The following HORMAD2 variants were observed in gnomAD, a reference collection of about 807,000 sequenced individuals.
HORMAD2 encodes HORMA domain containing 2, also known as HORMA domain-containing protein 2.
A neutral mutation model predicts 38.8 loss-of-function variants in HORMAD2; 45 were observed. The ratio of observed to expected loss-of-function variants is 1.16; its 90% confidence interval spans 0.91 to 1.49. The LOEUF is 1.49. HORMAD2 is among the 40% of genes most tolerant of loss of function. The pLI is 0.00. For missense variants in HORMAD2, 338 were observed against 367.0 expected, an observed-to-expected ratio of 0.92 and a Z score of 0.65; for synonymous variants, 126 against 122.8, an observed-to-expected ratio of 1.03 and a Z score of -0.17.
the HORMAD2 span, among the ~76,000 whole-genome samples, chr22:30,191,755 C>G: frequency 6.6e-6 from 1 of 152,188 alleles, no homozygotes; most frequent in Non-Finnish European, 1.5e-5. Flanking sequence ...ATCTGAAAGG[C>G]GAGTAAACAC....
At chr22:30,139,929 C>G (rs555742331) in intron 10 of HORMAD2, among the ~76,000 whole-genome samples, 1 of 151,380 alleles carries the variant, frequency 6.6e-6, no homozygotes, top group South Asian at 2.1e-4. Context: ...AGATAGATCC[C>G]CCTTTATCAT....
At position 30,158,342 on chromosome 22, in the gene HORMAD2, A is replaced by G. The variant is rs537858979; in HGVS notation, c.820-17721A>G. 2.0e-5 allele frequency among the ~76,000 whole-genome samples: 3 copies of G among 152,316 alleles called. No homozygotes were observed. The East Asian group carries it at 5.8e-4, about 29-fold the overall frequency. ...AAGCATAAGGAAGAGAATAAAACAC[A>G]GCCATATCTAAGGATGACAAATATT... On this transcript the variant is annotated intron_variant, in intron 10 of 10. Coordinates refer to ENST00000336726, the MANE Select transcript of HORMAD2 (RefSeq NM_152510.4).
At chr22:30,119,734 G>A (rs988727281) in intron 8 of HORMAD2, among the ~76,000 whole-genome samples, 1 of 152,138 alleles carries the variant, frequency 6.6e-6, no homozygotes, top group African/African-American at 2.4e-5. Context: ...GGATAGTAGA[G>A]GAATCCAAGT....
chr22:30,108,912 C>G (rs374761820), intron 5 of HORMAD2, among the ~76,000 whole-genome samples: 6 of 151,290 alleles, frequency 4.0e-5, no homozygotes, highest in Non-Finnish European at 8.9e-5. Flanking sequence ...TTCTTTCTCT[C>G]GCTCTCTCTT....
At chr22:30,172,749 G>A (rs5763842) in intron 10 of HORMAD2, among the ~76,000 whole-genome samples, 45,179 of 151,916 alleles carry the variant, frequency 0.3, 7,766 homozygotes, top group East Asian at 0.58. Flanking sequence ...TTAGCTGGGC[G>A]TGGTGGCGGG....
chr22:30,134,086 G>A (rs1205786907), intron 10 of HORMAD2, among the ~76,000 whole-genome samples: 1 of 152,110 alleles, frequency 6.6e-6, no homozygotes, highest in African/African-American at 2.4e-5. Context: ...GAAGCTCATT[G>A]TGAAGAAAGT....
intron 10 of HORMAD2, among the ~76,000 whole-genome samples, chr22:30,143,164 C>T (rs1924192737): frequency 6.6e-6 from 1 of 152,042 alleles, no homozygotes; most frequent in African/African-American, 2.4e-5. Context: ...TATTATTTTA[C>T]ACAACTTACT....
intron 1 of HORMAD2, among the ~76,000 whole-genome samples, chr22:30,090,273 G>C (rs1017776298): frequency 6.6e-6 from 1 of 152,184 alleles, no homozygotes; most frequent in African/African-American, 2.4e-5. Flanking sequence ...TGAGGTGGGA[G>C]AATCATTTAA....
chr22:30,114,721 C>A (rs538494856), intron 7 of HORMAD2, among the ~76,000 whole-genome samples: 1 of 152,272 alleles, frequency 6.6e-6, no homozygotes, highest in East Asian at 1.9e-4. Context: ...CATGGTATAA[C>A]AATTGAGAAC....
intron 10 of HORMAD2, among the ~76,000 whole-genome samples, chr22:30,129,058 A>G (rs1019715408): frequency 6.6e-6 from 1 of 151,780 alleles, no homozygotes; most frequent in Non-Finnish European, 1.5e-5. Flanking sequence ...CTCTACTAAA[A>G]ATACAAAAAA....
At position 30,174,658 on chromosome 22, in the gene HORMAD2, C is replaced by T. The variant is rs372870524; in HGVS notation, c.820-1405C>T. On this transcript the variant is annotated intron_variant, in intron 10 of 10. Transcript: ENST00000336726. Reference sequence around the variant, plus strand: ...CTGGTCAGTTGAGAATTCGTACACTCATCTTCTCTTCTTTCATGTGTACCC... The same window carrying T: ...CTGGTCAGTTGAGAATTCGTACACTTATCTTCTCTTCTTTCATGTGTACCC... Among the ~76,000 whole-genome samples the T allele has an allele frequency of 2.6e-5, 4 of 152,186 alleles. No homozygotes were observed. In the East Asian group the frequency reaches 5.8e-4, roughly 22 times the overall value.
intron 5 of HORMAD2, among the ~76,000 whole-genome samples, chr22:30,104,784 G>A (rs1921062658): frequency 6.6e-6 from 1 of 152,172 alleles, no homozygotes; most frequent in Non-Finnish European, 1.5e-5. Flanking sequence ...TTGCAGATAT[G>A]AAAGGAAAAA....
the HORMAD2 span, among the ~76,000 whole-genome samples, chr22:30,198,431 C>T: frequency 3.9e-5 from 6 of 152,254 alleles, 1 homozygote; most frequent in South Asian, 1.2e-3. Context: ...ATCCACAACA[C>T]ACAGATACCT....
At chr22:30,135,183 C>T (rs1923570453) in intron 10 of HORMAD2, among the ~76,000 whole-genome samples, 1 of 151,924 alleles carries the variant, frequency 6.6e-6, no homozygotes, top group South Asian at 2.1e-4. Flanking sequence ...ATTAGAATGA[C>T]CAAATTCCAC....
At chr22:30,188,554 A>G in the HORMAD2 span, among the ~76,000 whole-genome samples, 1 of 152,380 alleles carries the variant, frequency 6.6e-6, no homozygotes, top group Non-Finnish European at 1.5e-5. Context: ...TTGTATGTAC[A>G]TAAATTTCCA....
At chr22:30,103,535 A>G (rs780017733) in intron 4 of HORMAD2, 35 bp downstream of exon 4, 1 of 1,105,514 alleles carries the variant, frequency 9.0e-7, no homozygotes, top group Admixed American at 2.1e-5. Flanking sequence ...GTTGAACAAC[A>G]TTATTTTTAT....
intron 1 of HORMAD2, among the ~76,000 whole-genome samples, chr22:30,087,019 G>A (rs996749666): frequency 1.3e-5 from 2 of 152,104 alleles, no homozygotes; most frequent in South Asian, 2.1e-4. Flanking sequence ...GTGCCACCAC[G>A]CCCAGCTAAT....
chr22:30,152,782 C>T (rs1446301938), intron 10 of HORMAD2, among the ~76,000 whole-genome samples: 1 of 152,152 alleles, frequency 6.6e-6, no homozygotes, highest in Non-Finnish European at 1.5e-5. Flanking sequence ...TAATTGTGGG[C>T]ATCCCCAAAC....
At chr22:30,087,913 G>T (rs1182555587) in intron 1 of HORMAD2, among the ~76,000 whole-genome samples, 1 of 151,816 alleles carries the variant, frequency 6.6e-6, no homozygotes, top group African/African-American at 2.4e-5. Flanking sequence ...TTGAACTTAG[G>T]TTCCTTAACT....
Sources: gnomAD v4.1 joint callset for allele counts (sites outside exome capture counted in the v4.1 genomes callset) on GRCh38, gnomAD v4.1.1 for gene constraint, MANE v1.5 for transcripts, NCBI Gene and HGNC (gene_info 2026-07-23, HGNC 2026-07-21) for gene names.